Variants in DCDC2C observed in about 807,000 individuals in gnomAD.
DCDC2C encodes doublecortin domain containing 2C.
A neutral mutation model predicts 45.0 loss-of-function variants in DCDC2C; 44 were observed. That is an observed-to-expected ratio of 0.98 (90% CI 0.77 to 1.26). The LOEUF is 1.26. DCDC2C is among the 50% of genes most tolerant of loss of function. DCDC2C has a pLI of 0.00. For missense variants in DCDC2C, 447 were observed against 468.9 expected, an observed-to-expected ratio of 0.95 and a Z score of 0.43; for synonymous variants, 187 against 178.8, an observed-to-expected ratio of 1.05 and a Z score of -0.37.
At chr2:3,794,549 T>C (rs1670907813) in intron 10 of DCDC2C, among the ~76,000 whole-genome samples, 1 of 151,784 alleles carries the variant, frequency 6.6e-6, no homozygotes, top group African/African-American at 2.4e-5. Context: ...CAGAGTATGA[T>C]GTTCCCCTTC....
chr2:3,839,468 C>T (rs1672156459), intron 10 of DCDC2C, among the ~76,000 whole-genome samples: 1 of 152,140 alleles, frequency 6.6e-6, no homozygotes, highest in South Asian at 2.1e-4. Context: ...ATTCAAATCA[C>T]ATAATACTTT....
intron 2 of DCDC2C, among the ~76,000 whole-genome samples, chr2:3,719,384 CAGCT>C (rs1339449198): frequency 1.3e-5 from 2 of 152,200 alleles, no homozygotes; most frequent in Non-Finnish European, 2.9e-5. Flanking sequence ...CGTGCCCAGC[CAGCT>C]GTTTTCATTT....
At chr2:3,765,264 T>A (rs1470449408) in intron 6 of DCDC2C, among the ~76,000 whole-genome samples, 3 of 152,234 alleles carry the variant, frequency 2.0e-5, no homozygotes, top group Non-Finnish European at 4.4e-5. Context: ...ACTGAGCAAC[T>A]ATTATGCTTG....
rs957255697 is a variant in DCDC2C at position 3,817,382 on chromosome 2, G to A, written c.1066-29772G>A. On this transcript the variant is annotated intron_variant, in intron 10 of 10. Coordinates refer to ENST00000399143, the MANE Select transcript of DCDC2C (RefSeq NM_001287444.2). ...GCAGGATATGGAAGGCATATTTACGGTCAGTATAAATATTGACTCACAGTC... is the reference window on the plus strand; with the variant it reads ...GCAGGATATGGAAGGCATATTTACGATCAGTATAAATATTGACTCACAGTC... 2.0e-5 allele frequency among the ~76,000 whole-genome samples: 3 copies of A among 152,204 alleles called. No individual in the cohort carries two copies. In the East Asian group the frequency reaches 5.8e-4, roughly 29 times the overall value.
At chr2:3,843,768 AC>A (rs1170899456) in intron 10 of DCDC2C, among the ~76,000 whole-genome samples, 2 of 152,190 alleles carry the variant, frequency 1.3e-5, no homozygotes, top group African/African-American at 2.4e-5. Context: ...CTTCCCTGTG[AC>A]TTTTCAATTT....
At chr2:3,735,570 T>G (rs1669001315) in intron 3 of DCDC2C, among the ~76,000 whole-genome samples, 1 of 152,150 alleles carries the variant, frequency 6.6e-6, no homozygotes, top group Non-Finnish European at 1.5e-5. Context: ...TTTACCCGCA[T>G]CAGATTTGCA....
intron 3 of DCDC2C, among the ~76,000 whole-genome samples, chr2:3,735,420 C>G (rs760306268): frequency 1.8e-4 from 28 of 152,134 alleles, no homozygotes; most frequent in Non-Finnish European, 3.4e-4. Flanking sequence ...CCCTGCCCCC[C>G]ACCCCACAAC....
intron 7 of DCDC2C, among the ~76,000 whole-genome samples, chr2:3,768,720 C>T (rs1670080753): frequency 6.6e-6 from 1 of 152,054 alleles, no homozygotes; most frequent in African/African-American, 2.4e-5. Flanking sequence ...ACTACAGGCA[C>T]CTCTCACCAC....
intron 3 of DCDC2C, among the ~76,000 whole-genome samples, chr2:3,737,789 A>T (rs1459734491): frequency 1.3e-5 from 2 of 152,174 alleles, no homozygotes; most frequent in Non-Finnish European, 2.9e-5. Context: ...AACCCACCTG[A>T]CCAAAACCCA....
intron 2 of DCDC2C, among the ~76,000 whole-genome samples, chr2:3,713,563 T>C (rs1668275902): frequency 6.6e-6 from 1 of 152,208 alleles, no homozygotes; most frequent in African/African-American, 2.4e-5. Context: ...GTTAAGGCCA[T>C]GTGCAGCCCT....
intron 10 of DCDC2C, among the ~76,000 whole-genome samples, chr2:3,822,792 C>A (rs1671725629): frequency 6.6e-6 from 1 of 151,918 alleles, no homozygotes; most frequent in Non-Finnish European, 1.5e-5. Context: ...TTGGCTGTTT[C>A]CCCACCCAAA....
At chr2:3,836,197 A>C (rs184672417) in intron 10 of DCDC2C, among the ~76,000 whole-genome samples, 63 of 152,350 alleles carry the variant, frequency 4.1e-4, no homozygotes, top group African/African-American at 1.3e-3. Flanking sequence ...CAGGCACTTT[A>C]TCTCTGTGGA....
At chr2:3,831,554 C>T (rs1341797044) in intron 10 of DCDC2C, among the ~76,000 whole-genome samples, 1 of 152,204 alleles carries the variant, frequency 6.6e-6, no homozygotes, top group African/African-American at 2.4e-5. Context: ...CACCATTGGA[C>T]ATGTGGCCTT....
intron 10 of DCDC2C, among the ~76,000 whole-genome samples, chr2:3,792,833 A>G (rs180692373): frequency 1.4e-3 from 213 of 152,344 alleles, no homozygotes; most frequent in Non-Finnish European, 1.1e-3. Context: ...GTGAAGAGGA[A>G]AGGGACTTGA....
intron 10 of DCDC2C, among the ~76,000 whole-genome samples, chr2:3,834,822 G>C (rs1672036578): frequency 6.6e-6 from 1 of 152,192 alleles, no homozygotes. Context: ...TGTCCATCAA[G>C]TGGGATGGAG....
intron 10 of DCDC2C, among the ~76,000 whole-genome samples, chr2:3,845,781 A>G (rs957624174): frequency 6.6e-6 from 1 of 152,180 alleles, no homozygotes; most frequent in Non-Finnish European, 1.5e-5. Context: ...AGTGCCTGTG[A>G]TTTAGACCAG....
At chr2:3,829,290 T>TC (rs112371884) in intron 10 of DCDC2C, among the ~76,000 whole-genome samples, 3 of 151,760 alleles carry the variant, frequency 2.0e-5, no homozygotes, top group African/African-American at 7.2e-5. Flanking sequence ...TTTTCTTTTT[T>TC]TTTTTTTTTT....
intron 8 of DCDC2C, among the ~76,000 whole-genome samples, chr2:3,777,492 G>A (rs1558222501): frequency 6.6e-6 from 1 of 152,182 alleles, no homozygotes; most frequent in Non-Finnish European, 1.5e-5. Context: ...GAATGAATCA[G>A]TGATTGATAT....
chr2:3,803,138 C>T (rs1332603267), intron 10 of DCDC2C, among the ~76,000 whole-genome samples: 3 of 152,168 alleles, frequency 2.0e-5, no homozygotes, highest in Non-Finnish European at 2.9e-5. Context: ...TCTCATCAGC[C>T]CTTGAGATGT....
Sources: allele counts gnomAD v4.1 joint callset (sites outside exome capture counted in the v4.1 genomes callset), GRCh38; gene constraint gnomAD v4.1.1; transcripts MANE v1.5; gene names NCBI Gene and HGNC (gene_info 2026-07-23, HGNC 2026-07-21).